CACNA1C: variants seen among roughly 807,000 people sequenced by gnomAD.
CACNA1C encodes the protein calcium voltage-gated channel subunit alpha1 C.
In CACNA1C, 30 loss-of-function variants were observed where a neutral mutation model predicts 229.0. The observed-to-expected ratio is 0.13, with a 90% confidence interval of 0.10 to 0.18. The LOEUF (loss-of-function observed/expected upper bound fraction) is 0.18. Among genes scored for constraint, CACNA1C ranks in the 10% least tolerant of loss-of-function variants. The probability of loss-of-function intolerance (pLI) is 1.00; values close to 1 mark genes in which losing one functional copy is unlikely to be tolerated. For synonymous variants in CACNA1C, 1,114 were observed against 1,132.5 expected (o/e 0.98, Z 0.33); for missense variants, 1,658 against 2,845.0 (o/e 0.58, Z 9.49).
chr12:2,373,160 C>A (rs1201035137), intron 3 of CACNA1C, among the ~76,000 whole-genome samples: 2 of 152,164 alleles, frequency 1.3e-5, no homozygotes, highest in African/African-American at 2.4e-5. Flanking sequence ...TTTCCCCAAC[C>A]CTTCATTTGA....
At chr12:2,592,551 C>G (rs1267600015) in intron 18 of CACNA1C, among the ~76,000 whole-genome samples, 1 of 152,186 alleles carries the variant, frequency 6.6e-6, no homozygotes, top group African/African-American at 2.4e-5. Flanking sequence ...CTGGCAAGCA[C>G]AGGAATAAGC....
At chr12:2,157,177 C>T (rs1402502028) in intron 3 of CACNA1C, among the ~76,000 whole-genome samples, 2 of 152,154 alleles carry the variant, frequency 1.3e-5, no homozygotes, top group Non-Finnish European at 2.9e-5. Flanking sequence ...AAAATAATAA[C>T]TATGTGAGGT....
rs534402206 is a variant in CACNA1C at position 2,367,269 on chromosome 12, G to C, written c.478-81707G>C. Reference sequence around the variant, plus strand: ...AGCTCTTATGAGAATCTAATGCTGAGAGGAGGCAGAACTCAGGGAGTCATG... The same window carrying C: ...AGCTCTTATGAGAATCTAATGCTGACAGGAGGCAGAACTCAGGGAGTCATG... On this transcript the variant is annotated intron_variant, in intron 3 of 46. Transcript: ENST00000399655. Among the ~76,000 whole-genome samples the C allele has an allele frequency of 1.9e-3, 294 of 152,320 alleles. 2 individuals carry two copies. The highest frequency in any genetic ancestry group is 0.011 in the Admixed American group (162 of 15,306).
chr12:2,639,471 A>G lies in CACNA1C; in HGVS notation c.3912+5091A>G, dbSNP rs1335309572. Among the ~76,000 whole-genome samples the G allele has an allele frequency of 1.3e-5, 2 of 152,204 alleles. No homozygotes were observed. Among genetic ancestry groups the G allele is most frequent in the South Asian group, 2.1e-4 (1 of 4,834 alleles). On this transcript the variant is annotated intron_variant, in intron 30 of 46. Transcript: ENST00000399655. This position sits in a 1 kb window ranked among gnomAD's most constrained non-coding sequence, Gnocchi z 4.2. ...AGTGCTGGGCAGCCTGAATTCCTGC[A>G]TTATGGACATAGAGAAACATTCCCA...
intron 11 of CACNA1C, among the ~76,000 whole-genome samples, chr12:2,561,772 T>A (rs187170882): frequency 6.6e-6 from 1 of 152,344 alleles, no homozygotes; most frequent in Non-Finnish European, 1.5e-5. Flanking sequence ...GACCCATTCG[T>A]ATCCATCCCT....
intron 5 of CACNA1C, among the ~76,000 whole-genome samples, chr12:2,473,902 G>A (rs1306858062): frequency 2.0e-5 from 3 of 152,144 alleles, no homozygotes; most frequent in African/African-American, 4.8e-5. Flanking sequence ...CATTTTGTTC[G>A]AGTTACATAG....
intron 29 of CACNA1C, among the ~76,000 whole-genome samples, chr12:2,620,218 T>A (rs1292211598): frequency 6.6e-5 from 10 of 150,770 alleles, no homozygotes; most frequent in African/African-American, 2.4e-4. Flanking sequence ...GTTGTTATTG[T>A]CAGTTTGTAA....
Position 2,488,606 on chromosome 12 carries a change from A to G in CACNA1C, c.916+2344A>G, listed in dbSNP as rs1429315377. Among the ~76,000 whole-genome samples the G allele has an allele frequency of 6.6e-6, 1 of 152,182 alleles. No individual in the cohort carries two copies. The highest frequency in any genetic ancestry group is 1.5e-5 in the Non-Finnish European group (1 of 68,028). On this transcript the variant is annotated intron_variant, in intron 6 of 46. Transcript: ENST00000399655. The surrounding 1 kb of genome is among the most constrained non-coding windows in gnomAD (Gnocchi z 4.0). ...AGAGACTCATCAGATTGTTTATGTGATGGGTTTATCTTTGCCTGCAAGTTC... is the reference window on the plus strand; with the variant it reads ...AGAGACTCATCAGATTGTTTATGTGGTGGGTTTATCTTTGCCTGCAAGTTC...
At position 2,677,594 on chromosome 12, in the gene CACNA1C, C is replaced by A; in HGVS notation, c.4957-139C>A. 4.0e-6 allele frequency: 4 copies of A among 987,934 alleles called. No individual in the cohort carries two copies. The highest frequency in any genetic ancestry group is 6.1e-6 in the Non-Finnish European group (4 of 658,116). The allele number at this position is 987,934 out of a possible 1,614,324, so 61.2% of individuals were successfully genotyped here. ...GCCCAGCCCCCAGTTCACACACACA[C>A]AAACCTTCCGGAGGGTCGACTGGCT... On this transcript the variant is annotated intron_variant, in intron 40 of 46. Coordinates refer to ENST00000399655, the MANE Select transcript of CACNA1C (RefSeq NM_000719.7). The surrounding 1 kb of genome is among the most constrained non-coding windows in gnomAD (Gnocchi z 7.4).
intron 3 of CACNA1C, among the ~76,000 whole-genome samples, chr12:2,126,359 C>A (rs1040796063): frequency 2.0e-5 from 3 of 152,170 alleles, no homozygotes; most frequent in Non-Finnish European, 4.4e-5. Context: ...GCAGCTGTAA[C>A]CCCTGTCTAC....
chr12:2,144,257 C>T (rs1363029577), intron 3 of CACNA1C, among the ~76,000 whole-genome samples: 7 of 151,276 alleles, frequency 4.6e-5, no homozygotes, highest in Admixed American at 1.3e-4. Context: ...TGGAAGAAGC[C>T]GGGCTTGAGT....
chr12:2,578,138 G>C (rs2059223089), intron 13 of CACNA1C, among the ~76,000 whole-genome samples: 1 of 152,166 alleles, frequency 6.6e-6, no homozygotes, highest in Non-Finnish European at 1.5e-5. Flanking sequence ...AAAGTGCTGG[G>C]ATTACAGGCG....
chr12:2,572,780 CCT>C (rs1468898015), intron 13 of CACNA1C, among the ~76,000 whole-genome samples: 1 of 131,774 alleles, frequency 7.6e-6, no homozygotes, highest in Non-Finnish European at 1.6e-5. Flanking sequence ...TCCTCCTTCT[CCT>C]CTCCTCCTCC....
intron 3 of CACNA1C, among the ~76,000 whole-genome samples, chr12:2,218,995 T>C (rs928425264): frequency 4.6e-5 from 7 of 152,324 alleles, no homozygotes; most frequent in African/African-American, 1.7e-4. Flanking sequence ...TTTGTAAATC[T>C]GGGATGTGTA....
intron 3 of CACNA1C, among the ~76,000 whole-genome samples, chr12:2,394,944 G>A (rs1257855423): frequency 1.3e-5 from 2 of 152,156 alleles, no homozygotes; most frequent in Admixed American, 6.5e-5. Context: ...CTGTCAACTT[G>A]TCTAAGTTTT....
In CACNA1C at chr12:2,188,831, G is replaced by A. The variant is rs369288864; in HGVS notation, c.477+68401G>A. ...AATAAGGCCAGGCACGGTGTCTCAC[G>A]CCTGTAATCCCAGCCCTTTGGGAGG... On this transcript the variant is annotated intron_variant, in intron 3 of 46. Coordinates refer to ENST00000399655, the MANE Select transcript of CACNA1C (RefSeq NM_000719.7). Among the ~76,000 whole-genome samples, 152 of 152,174 alleles carry A rather than the reference G, an allele frequency of 1.0e-3. 1 individual carries two copies. In the South Asian group the frequency reaches 0.028, roughly 28 times the overall value.
At chr12:2,127,988 T>C (rs1213823169) in intron 3 of CACNA1C, among the ~76,000 whole-genome samples, 1 of 152,254 alleles carries the variant, frequency 6.6e-6, no homozygotes, top group Non-Finnish European at 1.5e-5. Flanking sequence ...TACTTGATGG[T>C]AGAGAATGTA....
intron 3 of CACNA1C, among the ~76,000 whole-genome samples, chr12:2,430,324 T>C (rs2099070247): frequency 6.6e-6 from 1 of 152,198 alleles, no homozygotes; most frequent in Non-Finnish European, 1.5e-5. Flanking sequence ...TGCTGTGCTA[T>C]GTTTCATTCC....
At chr12:2,609,080 G>A (rs1601945186) in intron 27 of CACNA1C, among the ~76,000 whole-genome samples, 1 of 152,204 alleles carries the variant, frequency 6.6e-6, no homozygotes, top group Admixed American at 6.5e-5. Context: ...AGGGAGTGAG[G>A]GCTTTTGGGG....
Sources: allele counts gnomAD v4.1 joint callset (sites outside exome capture counted in the v4.1 genomes callset), GRCh38; gene constraint gnomAD v4.1.1; non-coding constraint Gnocchi (gnomAD v3.1); transcripts MANE v1.5; gene names NCBI Gene and HGNC (gene_info 2026-07-23, HGNC 2026-07-21).